Variants in SGCZ observed in about 807,000 individuals in gnomAD.
The protein encoded by SGCZ is sarcoglycan zeta, also known as zeta-sarcoglycan.
In SGCZ, 40 loss-of-function variants were observed where a neutral mutation model predicts 41.3. The observed-to-expected ratio is 0.97, with a 90% confidence interval of 0.75 to 1.26. The LOEUF (loss-of-function observed/expected upper bound fraction) is 1.26. Among genes scored for constraint, SGCZ ranks in the 50% most tolerant of loss-of-function variants. The pLI is 0.00. For missense variants in SGCZ, 552 were observed against 369.8 expected (o/e 1.49, Z -4.04); for synonymous variants, 206 against 137.5 (o/e 1.50, Z -3.49).
chr8:15,121,520 G>C (rs893804983), intron 1 of SGCZ, among the ~76,000 whole-genome samples: 3 of 152,188 alleles, frequency 2.0e-5, no homozygotes, highest in African/African-American at 4.8e-5. Context: ...CCACCCATAA[G>C]ATGCTTACAG....
chr8:14,931,857 C>A (rs1799930736), intron 1 of SGCZ, among the ~76,000 whole-genome samples: 1 of 151,836 alleles, frequency 6.6e-6, no homozygotes, highest in African/African-American at 2.4e-5. Context: ...GTTATTTATT[C>A]ATAACTGTTT....
intron 4 of SGCZ, among the ~76,000 whole-genome samples, chr8:14,181,417 C>T (rs1332197491): frequency 6.6e-6 from 1 of 152,192 alleles, no homozygotes; most frequent in Non-Finnish European, 1.5e-5. Context: ...ACAACTCAGA[C>T]TCACTGGGGA....
At chr8:14,545,303 T>C (rs1803591150) in intron 2 of SGCZ, among the ~76,000 whole-genome samples, 1 of 152,118 alleles carries the variant, frequency 6.6e-6, no homozygotes, top group African/African-American at 2.4e-5. Flanking sequence ...AAATAATAAA[T>C]CATAGAAATT....
intron 2 of SGCZ, among the ~76,000 whole-genome samples, chr8:14,438,381 G>T (rs558064613): frequency 6.6e-6 from 1 of 151,978 alleles, no homozygotes; most frequent in Admixed American, 6.6e-5. Flanking sequence ...GGTCTTAGAC[G>T]TCATAATTCA....
At chr8:14,922,547 C>T (rs762426386) in intron 1 of SGCZ, among the ~76,000 whole-genome samples, 10 of 151,994 alleles carry the variant, frequency 6.6e-5, no homozygotes, top group African/African-American at 2.4e-4. Flanking sequence ...CTCTGCCTCC[C>T]GGGTTCAAGC....
intron 2 of SGCZ, among the ~76,000 whole-genome samples, chr8:14,505,948 T>C (rs1802292253): frequency 6.6e-6 from 1 of 152,236 alleles, no homozygotes; most frequent in Middle Eastern, 3.4e-3. Context: ...AGACATTTAC[T>C]CTCTCATGTG....
chr8:14,112,284 G>GT (rs1491304356), intron 5 of SGCZ, among the ~76,000 whole-genome samples: 87 of 69,254 alleles, frequency 1.3e-3, no homozygotes, highest in African/African-American at 5.1e-3. Context: ...TTTTTTTTGT[G>GT]GGGGGGGGGT....
chr8:14,419,298 A>G (rs1288326809), intron 2 of SGCZ, among the ~76,000 whole-genome samples: 3 of 151,922 alleles, frequency 2.0e-5, no homozygotes, highest in Non-Finnish European at 4.4e-5. Flanking sequence ...AGATAATGGG[A>G]GTTACGTAAA....
intron 2 of SGCZ, among the ~76,000 whole-genome samples, chr8:14,504,409 G>A (rs1585604711): frequency 6.6e-6 from 1 of 152,292 alleles, no homozygotes; most frequent in East Asian, 1.9e-4. Flanking sequence ...ACAGCATGAT[G>A]GATTTAAAAG....
chr8:14,183,996 C>T (rs1263245217), intron 4 of SGCZ, among the ~76,000 whole-genome samples: 2 of 151,970 alleles, frequency 1.3e-5, no homozygotes, highest in South Asian at 2.1e-4. Context: ...GAATACAAGG[C>T]CAATATATAA....
chr8:14,287,138 A>ATT (rs11442540), intron 3 of SGCZ, among the ~76,000 whole-genome samples: 1 of 151,322 alleles, frequency 6.6e-6, no homozygotes, highest in Non-Finnish European at 1.5e-5. Context: ...CACATACAGT[A>ATT]TTTTTTAAAG....
intron 3 of SGCZ, among the ~76,000 whole-genome samples, chr8:14,297,868 G>A (rs1405295345): frequency 6.6e-6 from 1 of 151,832 alleles, no homozygotes; most frequent in African/African-American, 2.4e-5. Context: ...AAAAAAAAAG[G>A]AGAAGACTTT....
intron 1 of SGCZ, among the ~76,000 whole-genome samples, chr8:14,663,287 T>C (rs913561581): frequency 6.6e-6 from 1 of 152,210 alleles, no homozygotes; most frequent in African/African-American, 2.4e-5. Context: ...TAGCATCCCA[T>C]AATAAATGCT....
At chr8:14,786,253 A>T (rs73533009) in intron 1 of SGCZ, among the ~76,000 whole-genome samples, 10,390 of 152,144 alleles carry the variant, frequency 0.068, 757 homozygotes, top group African/African-American at 0.18. Flanking sequence ...GTAACATTTC[A>T]TTAAACATTT....
intron 1 of SGCZ, among the ~76,000 whole-genome samples, chr8:14,835,440 T>C (rs1585304508): frequency 6.6e-6 from 1 of 152,332 alleles, no homozygotes; most frequent in East Asian, 1.9e-4. Context: ...GACAGTTCTC[T>C]CCTTTCACTC....
chr8:14,214,212 C>G (rs1482082087), intron 4 of SGCZ, among the ~76,000 whole-genome samples: 4 of 152,076 alleles, frequency 2.6e-5, no homozygotes, highest in Admixed American at 1.3e-4. Flanking sequence ...AAATGTCAGA[C>G]AAATCCCAAT....
At chr8:14,106,416 G>A (rs531173197) in intron 6 of SGCZ, among the ~76,000 whole-genome samples, 15 of 152,234 alleles carry the variant, frequency 9.9e-5, no homozygotes, top group Non-Finnish European at 1.8e-4. Flanking sequence ...TAATTATCAT[G>A]TTGCTCTTCT....
At chr8:14,944,307 A>T (rs1465506880) in intron 1 of SGCZ, among the ~76,000 whole-genome samples, 1 of 152,220 alleles carries the variant, frequency 6.6e-6, no homozygotes, top group Admixed American at 6.5e-5. Flanking sequence ...ATGCCAACAG[A>T]AACATAAATG....
Position 14,233,419 on chromosome 8 carries a change from T to C in SGCZ, c.424+4173A>G, listed in dbSNP as rs749725704. On this transcript the variant is annotated intron_variant, in intron 4 of 7. Transcript: ENST00000382080. Reference sequence around the variant, plus strand: ...AATAGTATGTTAAATATCAATGTAATGTTATTGATAAATAAAATATAATTA... The same window carrying C: ...AATAGTATGTTAAATATCAATGTAACGTTATTGATAAATAAAATATAATTA... Among the ~76,000 whole-genome samples, 80 of 151,538 alleles carry C rather than the reference T, an allele frequency of 5.3e-4. 1 individual carries two copies. Among genetic ancestry groups the C allele is most frequent in the Non-Finnish European group, 9.0e-4 (61 of 67,692 alleles).
Sources: gnomAD v4.1 joint callset for allele counts (sites outside exome capture counted in the v4.1 genomes callset) on GRCh38, gnomAD v4.1.1 for gene constraint, MANE v1.5 for transcripts, NCBI Gene and HGNC (gene_info 2026-07-23, HGNC 2026-07-21) for gene names.